TRIM9: variants seen among roughly 807,000 people sequenced by gnomAD.
TRIM9 encodes the protein tripartite motif containing 9.
A neutral mutation model predicts 78.3 loss-of-function variants in TRIM9; 26 were observed. That is an observed-to-expected ratio of 0.33 (90% CI 0.24 to 0.46). The LOEUF (loss-of-function observed/expected upper bound fraction) is 0.46. Among genes scored for constraint, TRIM9 ranks in the 20% least tolerant of loss-of-function variants. The pLI is 1.00. For missense variants in TRIM9, 787 were observed against 1,036.4 expected, an observed-to-expected ratio of 0.76 and a Z score of 3.30; for synonymous variants, 398 against 416.5, an observed-to-expected ratio of 0.96 and a Z score of 0.54.
At position 50,983,447 on chromosome 14, in the gene TRIM9, G is replaced by T. The variant is rs183019962; in HGVS notation, c.1793-26C>A. ...CTATAAAGAGATACTACACATCAACGCTATGAAACAACAACCAGGTTGATA... is the reference window on the plus strand; with the variant it reads ...CTATAAAGAGATACTACACATCAACTCTATGAAACAACAACCAGGTTGATA... On this transcript the variant is annotated intron_variant, in intron 8 of 12. Coordinates refer to ENST00000684578, the MANE Select transcript of TRIM9 (RefSeq NM_001387360.1). The T allele has an allele frequency of 5.9e-6, 9 of 1,515,498 alleles. 1 individual carries two copies. In the South Asian group the frequency reaches 1.0e-4, roughly 17 times the overall value. The allele number at this position is 1,515,498 out of a possible 1,614,324, so 93.9% of individuals were successfully genotyped here.
chr14:51,066,621 T>G (rs2061762269), intron 1 of TRIM9, among the ~76,000 whole-genome samples: 1 of 152,248 alleles, frequency 6.6e-6, no homozygotes, highest in South Asian at 2.1e-4. Flanking sequence ...TTAAAGATCT[T>G]AACTGGCTTT....
At chr14:51,086,297 G>A (rs968670703) in intron 1 of TRIM9, among the ~76,000 whole-genome samples, 1 of 152,156 alleles carries the variant, frequency 6.6e-6, no homozygotes, top group Non-Finnish European at 1.5e-5. Context: ...TAATCTTCCT[G>A]TGTTCCAGTT....
intron 1 of TRIM9, among the ~76,000 whole-genome samples, chr14:51,054,736 G>C (rs1484771421): frequency 6.6e-6 from 1 of 152,098 alleles, no homozygotes; most frequent in Non-Finnish European, 1.5e-5. Flanking sequence ...ACTACGCCTA[G>C]CTAATTTTTG....
chr14:51,040,399 C>T (rs192832214), intron 1 of TRIM9, among the ~76,000 whole-genome samples: 4 of 152,224 alleles, frequency 2.6e-5, no homozygotes, highest in Admixed American at 1.3e-4. Context: ...TGCCTGTACC[C>T]GGCAGCACCC....
intron 1 of TRIM9, among the ~76,000 whole-genome samples, chr14:51,028,316 A>G (rs2058437851): frequency 6.6e-6 from 1 of 152,226 alleles, no homozygotes; most frequent in Non-Finnish European, 1.5e-5. Flanking sequence ...CACTTGTAGA[A>G]ATTGAGGAGA....
chr14:51,000,309 C>T (rs34610151), intron 6 of TRIM9, among the ~76,000 whole-genome samples: 4,887 of 152,288 alleles, frequency 0.032, 156 homozygotes, highest in East Asian at 0.15. Flanking sequence ...CTAATGGACT[C>T]TTAGCAACAA....
chr14:50,996,988 T>C (rs1301151232), intron 7 of TRIM9: 2 of 985,404 alleles, frequency 2.0e-6, no homozygotes, highest in Non-Finnish European at 2.4e-6. Context: ...TGTTGAGGTT[T>C]GTGGGAAGTG....
At chr14:50,986,243 G>A in intron 7 of TRIM9, 99 bp from the exon 8 acceptor site, 1 of 1,050,202 alleles carries the variant, frequency 9.5e-7, no homozygotes, top group Non-Finnish European at 1.3e-6. Context: ...TTCATACAAA[G>A]CCTCATCTTT....
At position 51,082,239 on chromosome 14, in the gene TRIM9, A is replaced by AT. The variant is rs1312414400; in HGVS notation, c.822+11878dup. ...GGAACCACGGACAAAGACCAAATAT[A>AT]TTTTTTACTATATCATGATACTCAA... On this transcript the variant is annotated intron_variant, in intron 1 of 12. Transcript: ENST00000684578. Among the ~76,000 whole-genome samples, 6 of 152,308 alleles carry AT rather than the reference A, an allele frequency of 3.9e-5. No individual in the cohort carries two copies. The East Asian group carries it at 5.8e-4, about 15-fold the overall frequency.
chr14:51,001,113 C>A (rs2139522205), intron 5 of TRIM9, among the ~76,000 whole-genome samples: 1 of 152,110 alleles, frequency 6.6e-6, no homozygotes, highest in East Asian at 1.9e-4. Context: ...TGTTCTCATC[C>A]CCTTGAACAT....
chr14:50,989,657 A>G (rs1185634829), intron 7 of TRIM9, among the ~76,000 whole-genome samples: 1 of 152,248 alleles, frequency 6.6e-6, no homozygotes, highest in Non-Finnish European at 1.5e-5. Flanking sequence ...TTGCTGAATG[A>G]AAGCAGTTTA....
chr14:51,075,618 T>C (rs940931264), intron 1 of TRIM9, among the ~76,000 whole-genome samples: 26 of 152,336 alleles, frequency 1.7e-4, no homozygotes, highest in African/African-American at 6.0e-4. Flanking sequence ...TGATTTTTCC[T>C]GCTCTCCTTG....
intron 1 of TRIM9, among the ~76,000 whole-genome samples, chr14:51,080,436 AACACAC>A (rs34062978): frequency 0.3 from 42,642 of 143,656 alleles, 6,800 homozygotes; most frequent in East Asian, 0.49. Context: ...AGTTTTATTG[AACACAC>A]ACACACACAC....
chr14:51,018,955 G>C (rs944943410), intron 3 of TRIM9, among the ~76,000 whole-genome samples: 1 of 152,058 alleles, frequency 6.6e-6, no homozygotes, highest in African/African-American at 2.4e-5. Context: ...ACAATTTCAG[G>C]GTTATGTCAA....
intron 5 of TRIM9, among the ~76,000 whole-genome samples, chr14:51,007,674 C>G (rs908823649): frequency 6.6e-6 from 1 of 152,024 alleles, no homozygotes; most frequent in Non-Finnish European, 1.5e-5. Flanking sequence ...TGGAGAATGT[C>G]TGGTTTGGTT....
chr14:51,030,658 A>G (rs535361700), intron 1 of TRIM9, among the ~76,000 whole-genome samples: 8 of 151,834 alleles, frequency 5.3e-5, no homozygotes. Flanking sequence ...TAAGAATGTG[A>G]GTTTAAGAGT....
In TRIM9 at chr14:50,986,283, A is replaced by G. The variant is rs564569904; in HGVS notation, c.1604-139T>C. 9.9e-6 allele frequency: 7 copies of G among 704,354 alleles called. No homozygotes were observed. In the East Asian group the frequency reaches 2.4e-4, roughly 24 times the overall value. The allele number at this position is 704,354 out of a possible 1,614,324, so 43.6% of individuals were successfully genotyped here. A position where few individuals can be genotyped will look rare whatever the true frequency, so the allele number is the denominator to read the frequency against. ...CAGGGTGCCACACTCAGGCATTTAC[A>G]AAACCAATGTGCCTGGGGGCAGGGA... On this transcript the variant is annotated intron_variant, in intron 7 of 12. Coordinates refer to ENST00000684578, the MANE Select transcript of TRIM9 (RefSeq NM_001387360.1).
intron 7 of TRIM9, among the ~76,000 whole-genome samples, chr14:50,991,475 A>C (rs1409496258): frequency 2.0e-5 from 3 of 152,216 alleles, no homozygotes; most frequent in Admixed American, 2.0e-4. Flanking sequence ...CTGGAAATGC[A>C]TATTCTTCTA....
chr14:51,021,992 AT>A (rs5808588), intron 3 of TRIM9, among the ~76,000 whole-genome samples: 9,242 of 151,950 alleles, frequency 0.061, 422 homozygotes, highest in East Asian at 0.17. Context: ...TCAAAAACAC[AT>A]TTTTTTGCCT....
Sources: gnomAD v4.1 joint callset for allele counts (sites outside exome capture counted in the v4.1 genomes callset) on GRCh38, gnomAD v4.1.1 for gene constraint, MANE v1.5 for transcripts, NCBI Gene and HGNC (gene_info 2026-07-23, HGNC 2026-07-21) for gene names.